SLC22A5: variants seen among roughly 807,000 people sequenced by gnomAD.
The protein encoded by SLC22A5 is solute carrier family 22 member 5.
In SLC22A5, 44 loss-of-function variants were observed where a neutral mutation model predicts 56.7. That is an observed-to-expected ratio of 0.78 (90% CI 0.61 to 1.00). SLC22A5 has a LOEUF of 1.00. Among genes scored for constraint, SLC22A5 ranks in the 50% least tolerant of loss-of-function variants. SLC22A5 has a pLI of 0.00. For synonymous variants in SLC22A5, 278 were observed against 292.1 expected (o/e 0.95, Z 0.49); for missense variants, 675 against 723.0 (o/e 0.93, Z 0.76).
Position 132,370,160 on chromosome 5 carries a change from G to A in SLC22A5, c.188G>A (p.Arg63His). 6.2e-7 allele frequency: 1 copy of A among 1,607,928 alleles called. No homozygotes were observed. The highest frequency in any genetic ancestry group is 8.5e-7 in the Non-Finnish European group (1 of 1,177,622). The change falls in exon 1 of 10, where the codon CGC becomes CAC. Residue 63 changes from arginine to histidine, a missense_variant. Transcript: ENST00000245407. The stretch of plus-strand genomic sequence containing the variant: ...GCCGCGAACCTGAGCAGCGCCTGGC[G>A]CAACCACACTGTCCCACTGCGGCTG... ...PDAANLSSAW[R>H]NHTVPLRLRD... is the part of the protein sequence containing the mutation.
At position 132,394,243 on chromosome 5, in the gene SLC22A5, C is replaced by T. The variant is rs11568525; in HGVS notation, c.1645C>T (p.Pro549Ser). 6,154 of 1,612,766 alleles carry T rather than the reference C, an allele frequency of 3.8e-3. 215 individuals are homozygous for T. In the African/African-American group the frequency reaches 0.074, roughly 20 times the overall value. Residue 549 changes from proline to serine, a missense_variant, in exon 10 of 10, where the codon CCC becomes TCC. Pro to Ser is a moderately conservative substitution (Grantham distance 74). Coordinates refer to ENST00000245407, the MANE Select transcript of SLC22A5 (RefSeq NM_003060.4). ...GATGTTAAAAGATGGTCAAGAAAGG[C>T]CCACAATCCTTAAAAGCACAGCCTT... is the stretch of plus-strand genomic sequence containing the variant. The part of the protein sequence containing the change: ...TRMLKDGQER[P>S]TILKSTAF
Position 132,395,182 on chromosome 5 carries a change from G to A in SLC22A5, c.*910G>A, listed in dbSNP as rs2126794091. On this transcript the variant is annotated 3_prime_UTR_variant, in exon 10 of 10. Transcript: ENST00000245407. ...TGCCCTTCAGAATGCACTTGGGAAAGGCTGGTTCCTTAGCCTCCTGGTTTG... is the reference window on the plus strand; with the variant it reads ...TGCCCTTCAGAATGCACTTGGGAAAAGCTGGTTCCTTAGCCTCCTGGTTTG... 6.6e-6 allele frequency: 1 copy of A among 151,634 alleles called. No homozygotes were observed. The highest frequency in any genetic ancestry group is 2.1e-4 in the South Asian group (1 of 4,766). The allele number at this position is 151,634 out of a possible 1,614,324, so 9.4% of individuals were successfully genotyped here. A position where few individuals can be genotyped will look rare whatever the true frequency, so the allele number is the denominator to read the frequency against.
intron 1 of SLC22A5, among the ~76,000 whole-genome samples, chr5:132,370,845 C>G (rs924086828): frequency 2.0e-5 from 3 of 152,148 alleles, no homozygotes; most frequent in African/African-American, 7.2e-5. Flanking sequence ...ACTGCCTCTT[C>G]CCTTTTTCCT....
chr5:132,384,544 G>A (rs1297634341), intron 3 of SLC22A5, among the ~76,000 whole-genome samples: 1 of 152,202 alleles, frequency 6.6e-6, no homozygotes, highest in Non-Finnish European at 1.5e-5. Context: ...TGGCCTCTGG[G>A]CTGTGGCTCC....
At position 132,370,345 on chromosome 5, in the gene SLC22A5, C is replaced by G; in HGVS notation, c.373C>G (p.Leu125Val). 1 of 1,612,332 alleles carries G rather than the reference C, an allele frequency of 6.2e-7. No individual in the cohort carries two copies. Among genetic ancestry groups the G allele is most frequent in the Non-Finnish European group, 8.5e-7 (1 of 1,179,764 alleles). Reference sequence around the variant, plus strand: ...CTGGGAGTTCAGTCAGGACGTCTACCTGTCCACCATTGTGACCGAGGTGGG... The same window carrying G: ...CTGGGAGTTCAGTCAGGACGTCTACGTGTCCACCATTGTGACCGAGGTGGG... ...DGWEFSQDVY[L>V]STIVTEWNLV... Residue 125 changes from leucine (L) to valine (V), a missense_variant, in exon 1 of 10, where the codon CTG becomes GTG. By Grantham distance (32) the Leu-to-Val change is conservative. Coordinates refer to ENST00000245407, the MANE Select transcript of SLC22A5 (RefSeq NM_003060.4).
At chr5:132,372,177 A>G (rs1360198406) in intron 1 of SLC22A5, among the ~76,000 whole-genome samples, 2 of 152,152 alleles carry the variant, frequency 1.3e-5, no homozygotes, top group East Asian at 3.8e-4. Flanking sequence ...TTTCTGGCCC[A>G]TGAATCCACA....
Position 132,388,987 on chromosome 5 carries a change from A to T in SLC22A5, c.1018A>T (p.Ile340Phe), listed in dbSNP as rs777576712. The T allele has an allele frequency of 1.2e-6, 2 of 1,613,762 alleles. 1 individual carries two copies. Among genetic ancestry groups the T allele is most frequent in the South Asian group, 2.2e-5 (2 of 91,070 alleles). ...NILDLLRTWN[I>F]RMVTIMSIML... is the part of the protein sequence containing the mutation. ...TCTGGATCTGCTTCGAACCTGGAAT[A>T]TCCGGATGGTCACCATCATGTCCAT... Residue 340 changes from isoleucine to phenylalanine, a missense_variant, in exon 6 of 10, where the codon ATC (isoleucine) becomes TTC (phenylalanine). By Grantham distance (21) the Ile-to-Phe change is conservative. Transcript: ENST00000245407.
chr5:132,386,222 CTTTTCT>C, intron 4 of SLC22A5, among the ~76,000 whole-genome samples: 1 of 78,708 alleles, frequency 1.3e-5, no homozygotes, highest in East Asian at 4.9e-4. Flanking sequence ...TTTTCTTTTT[CTTTTCT>C]TTTTTTTTCT....
chr5:132,394,174 T>G lies in SLC22A5; in HGVS notation c.1587-11T>G, dbSNP rs772775759. 1.5e-5 allele frequency: 24 copies of G among 1,595,158 alleles called. No individual in the cohort carries two copies. Among genetic ancestry groups the G allele is most frequent in the Non-Finnish European group, 2.0e-5 (23 of 1,162,644 alleles). The stretch of plus-strand genomic sequence containing the variant: ...AATGTGTTACTGACATATTTTTGCT[T>G]GTTTTTATAGAATGAAACACAGAAA... On this transcript the variant is annotated splice_polypyrimidine_tract_variant and intron_variant, in intron 9 of 9. Coordinates refer to ENST00000245407, the MANE Select transcript of SLC22A5 (RefSeq NM_003060.4).
In SLC22A5 at chr5:132,393,717, C is replaced by A. The variant is rs183379391; in HGVS notation, c.1492C>A (p.Leu498Met). The change falls in exon 9 of 10, where the codon CTG becomes ATG. Residue 498 changes from leucine to methionine, a missense_variant. Coordinates refer to ENST00000245407, the MANE Select transcript of SLC22A5 (RefSeq NM_003060.4). ...CCTGCCCTACATTCTCATGGGAAGT[C>A]TGACCATCCTGACAGCCATCCTCAC... ...RFLPYILMGS[L>M]TILTAILTLF... 9.3e-6 allele frequency: 15 copies of A among 1,614,196 alleles called. No homozygotes were observed. The East Asian group carries it at 1.6e-4, about 17-fold the overall frequency.
Position 132,392,693 on chromosome 5 carries a change from C to G in SLC22A5, c.1450+78C>G, listed in dbSNP as rs59995273. The G allele has an allele frequency of 4.0e-4, 514 of 1,295,754 alleles. 2 individuals are homozygous for G. The highest frequency in any genetic ancestry group is 3.5e-3 in the African/African-American group (239 of 68,806). The allele number at this position is 1,295,754 out of a possible 1,614,324, so 80.3% of individuals were successfully genotyped here. On this transcript the variant is annotated intron_variant, in intron 8 of 9. Transcript: ENST00000245407. ...TGGCTTGAATGTGAGCTGGAGGTTG[C>G]GTGTTAACAGGAAAACAAGTTCATA... is the stretch of plus-strand genomic sequence containing the variant.
At chr5:132,380,401 T>A (rs1206254410) in intron 2 of SLC22A5, 1 of 151,820 alleles carries the variant, frequency 6.6e-6, no homozygotes, top group Non-Finnish European at 1.5e-5. Context: ...GCTACTGAGA[T>A]TTTTTAAAGC....
In SLC22A5 at chr5:132,370,356, T is replaced by C. The variant is rs773749345; in HGVS notation, c.384T>C (p.Ile128=). 10 of 1,612,102 alleles carry C rather than the reference T, an allele frequency of 6.2e-6. No individual in the cohort carries two copies. Among genetic ancestry groups the C allele is most frequent in the Non-Finnish European group, 8.5e-6 (10 of 1,179,760 alleles). ...EFSQDVYLST[I]VTEWNLVCED... ...GTCAGGACGTCTACCTGTCCACCATTGTGACCGAGGTGGGTGCCGGCCCCT... is the reference window on the plus strand; with the variant it reads ...GTCAGGACGTCTACCTGTCCACCATCGTGACCGAGGTGGGTGCCGGCCCCT... Residue 128 remains isoleucine, a synonymous_variant, in exon 1 of 10, where the codon ATT becomes ATC. Transcript: ENST00000245407.
intron 4 of SLC22A5, among the ~76,000 whole-genome samples, chr5:132,386,056 G>T (rs1401097282): frequency 6.6e-6 from 1 of 152,222 alleles, no homozygotes; most frequent in Non-Finnish European, 1.5e-5. Context: ...GGAGCAGAGA[G>T]CATTTCAGGG....
chr5:132,370,632 G>A (rs1338150737), intron 1 of SLC22A5, among the ~76,000 whole-genome samples: 3 of 152,172 alleles, frequency 2.0e-5, no homozygotes, highest in Non-Finnish European at 4.4e-5. Context: ...TACCAGGAAG[G>A]TCCTGGCGGT....
intron 7 of SLC22A5, 37 bp from the exon 8 acceptor site, chr5:132,392,396 G>T: frequency 6.3e-7 from 1 of 1,584,602 alleles, no homozygotes; most frequent in Admixed American, 1.7e-5. Context: ...GCCATGGGTT[G>T]GTACCTACTC....
At chr5:132,387,398 T>A (rs537148256) in intron 5 of SLC22A5, among the ~76,000 whole-genome samples, 1 of 151,976 alleles carries the variant, frequency 6.6e-6, no homozygotes, top group Admixed American at 6.5e-5. Context: ...CATTTTTTAC[T>A]TCCTTTCTAG....
intron 1 of SLC22A5, chr5:132,377,179 C>T (rs560467818): frequency 1.3e-5 from 2 of 152,346 alleles, no homozygotes; most frequent in Admixed American, 6.5e-5. Flanking sequence ...GCCTGCCAAC[C>T]CCTCTGAGAG....
Position 132,384,301 on chromosome 5 carries a change from G to T in SLC22A5, c.652G>T (p.Gly218Trp). 1 of 1,614,084 alleles carries T rather than the reference G, an allele frequency of 6.2e-7. No homozygotes were observed. The highest frequency in any genetic ancestry group is 1.1e-5 in the South Asian group (1 of 91,070). The part of the protein sequence containing the change: ...ISNYVAAFVL[G>W]TEILGKSVRI... ...CAACTATGTGGCAGCATTTGTCCTG[G>T]GTATGGCCATCAGGTTGGAGTTGAG... Residue 218 changes from glycine (G) to tryptophan (W), a missense_variant and splice_region_variant, in exon 3 of 10, where the codon GGG becomes TGG. Physicochemically the swap from Gly to Trp is radical, Grantham distance 184 (BLOSUM62 -2). Coordinates refer to ENST00000245407, the MANE Select transcript of SLC22A5 (RefSeq NM_003060.4).
Sources: allele counts gnomAD v4.1 joint callset (sites outside exome capture counted in the v4.1 genomes callset), GRCh38; gene constraint gnomAD v4.1.1; transcripts MANE v1.5; gene names NCBI Gene and HGNC (gene_info 2026-07-23, HGNC 2026-07-21).